Variants in HDAC9 observed in about 807,000 individuals in gnomAD.
HDAC9 encodes MEF-2 interacting transcription repressor (MITR) protein.
HDAC9 carries 41 observed loss-of-function variants against 139.4 expected under a neutral mutation model. The observed-to-expected ratio is 0.29, with a 90% CI of 0.23 to 0.38. The LOEUF (loss-of-function observed/expected upper bound fraction) is 0.38. HDAC9 is among the 10% of genes least tolerant of loss of function. The pLI, the probability that HDAC9 is intolerant of heterozygous loss-of-function variation, is 1.00. For synonymous variants in HDAC9, 517 were observed against 476.2 expected, an observed-to-expected ratio of 1.09 and a Z score of -1.12; for missense variants, 1,147 against 1,297.0, an observed-to-expected ratio of 0.88 and a Z score of 1.78.
At chr7:18,626,245 G>T (rs576969204) in intron 6 of HDAC9, among the ~76,000 whole-genome samples, 1 of 152,208 alleles carries the variant, frequency 6.6e-6, no homozygotes, top group African/African-American at 2.4e-5. Flanking sequence ...ACATAGCCAT[G>T]GCCAGTTATG....
At chr7:18,937,487 C>G (rs1319795207) in intron 23 of HDAC9, among the ~76,000 whole-genome samples, 1 of 152,024 alleles carries the variant, frequency 6.6e-6, no homozygotes, top group Non-Finnish European at 1.5e-5. Context: ...CCCTGTACAC[C>G]AATAATGTCA....
chr7:18,574,486 T>C (rs1014492974), intron 2 of HDAC9, among the ~76,000 whole-genome samples: 2 of 152,228 alleles, frequency 1.3e-5, no homozygotes, highest in African/African-American at 4.8e-5. Flanking sequence ...TCCACGGAAC[T>C]GACAGCCTGG....
At chr7:18,333,428 A>G (rs1781353272) in intron 1 of HDAC9, among the ~76,000 whole-genome samples, 1 of 151,592 alleles carries the variant, frequency 6.6e-6, no homozygotes, top group Non-Finnish European at 1.5e-5. Flanking sequence ...ACAAATAGTA[A>G]CTATGTGAGA....
chr7:18,873,333 G>A (rs1799074710), intron 21 of HDAC9, among the ~76,000 whole-genome samples: 1 of 152,110 alleles, frequency 6.6e-6, no homozygotes, highest in African/African-American at 2.4e-5. Flanking sequence ...ACTTACATGT[G>A]TATTTATGAA....
intron 1 of HDAC9, among the ~76,000 whole-genome samples, chr7:18,395,824 C>A (rs137861440): frequency 1.3e-5 from 2 of 152,150 alleles, no homozygotes; most frequent in East Asian, 3.9e-4. Flanking sequence ...AAGTTTTGAT[C>A]TGTAGAATTT....
At chr7:18,799,163 TTGAC>T (rs1165608542) in intron 17 of HDAC9, among the ~76,000 whole-genome samples, 1 of 151,866 alleles carries the variant, frequency 6.6e-6, no homozygotes, top group Non-Finnish European at 1.5e-5. Flanking sequence ...TATCCAATCA[TTGAC>T]TGACCACTAA....
chr7:18,513,308 A>G (rs1228259552), intron 2 of HDAC9, among the ~76,000 whole-genome samples: 2 of 152,214 alleles, frequency 1.3e-5, no homozygotes, highest in Admixed American at 1.3e-4. Context: ...ATCTAGCTCA[A>G]TTCTCAAAAA....
chr7:18,927,494 C>T (rs940348971), intron 22 of HDAC9, among the ~76,000 whole-genome samples: 2 of 152,122 alleles, frequency 1.3e-5, no homozygotes, highest in African/African-American at 4.8e-5. Context: ...AAAATGGCTA[C>T]AGTTTTTATA....
At position 18,767,163 on chromosome 7, in the gene HDAC9, C is replaced by G. The variant is rs1468068760; in HGVS notation, c.2214+8C>G. 1.9e-6 allele frequency: 3 copies of G among 1,551,362 alleles called. No individual in the cohort carries two copies. In the South Asian group the frequency reaches 3.6e-5, roughly 19 times the overall value. On this transcript the variant is annotated splice_region_variant and intron_variant, in intron 16 of 25. Transcript: ENST00000686413. ...CCTTGTGGTGGACTTGGGGTAAGTA[C>G]AAGTTGGTTTACTGCCTTTAAATAA... is the stretch of plus-strand genomic sequence containing the variant.
intron 1 of HDAC9, among the ~76,000 whole-genome samples, chr7:18,407,654 G>T (rs1352109368): frequency 6.6e-6 from 1 of 152,126 alleles, no homozygotes; most frequent in Non-Finnish European, 1.5e-5. Context: ...TTGAAACCCT[G>T]CAAAGCATTT....
At chr7:18,252,553 G>A (rs115987002) in intron 2 of HDAC9, among the ~76,000 whole-genome samples, 20 of 152,144 alleles carry the variant, frequency 1.3e-4, no homozygotes, top group African/African-American at 4.6e-4. Context: ...CTGTTGCCAT[G>A]TTTTGAAGGT....
chr7:18,719,364 G>A lies in HDAC9; in HGVS notation c.1732-8216G>A, dbSNP rs1300995218. Reference sequence around the variant, plus strand: ...TTTTTTTTTTTTTTTTTTTGAGATGGAGTTTTGTCTTGTCGCCCAGGCTGG... The same window carrying A: ...TTTTTTTTTTTTTTTTTTTGAGATGAAGTTTTGTCTTGTCGCCCAGGCTGG... On this transcript the variant is annotated intron_variant, in intron 12 of 25. Coordinates refer to ENST00000686413, the MANE Select transcript of HDAC9 (RefSeq NM_178425.4). 6.3e-4 allele frequency among the ~76,000 whole-genome samples: 36 copies of A among 56,866 alleles called. 1 individual carries two copies. Among genetic ancestry groups the A allele is most frequent in the Non-Finnish European group, 1.1e-3 (32 of 30,462 alleles). 37.3% of individuals were successfully genotyped at this position (56,866 alleles called of 152,430 possible).
chr7:18,563,210 G>T (rs569449161), intron 2 of HDAC9, among the ~76,000 whole-genome samples: 61 of 152,216 alleles, frequency 4.0e-4, no homozygotes, highest in Non-Finnish European at 7.2e-4. Flanking sequence ...CAATGTGGCC[G>T]TAATAGTGCT....
intron 2 of HDAC9, among the ~76,000 whole-genome samples, chr7:18,222,580 T>A (rs1191935612): frequency 6.6e-6 from 1 of 152,170 alleles, no homozygotes; most frequent in African/African-American, 2.4e-5. Context: ...CCCATAATCT[T>A]ACCCCCTACA....
chr7:18,728,029 T>C (rs982895727), intron 13 of HDAC9, among the ~76,000 whole-genome samples: 19 of 152,302 alleles, frequency 1.2e-4, no homozygotes, highest in African/African-American at 4.1e-4. Context: ...TGAAAATCCC[T>C]GCAACATTCT....
At chr7:18,372,205 C>T (rs73682166) in intron 1 of HDAC9, among the ~76,000 whole-genome samples, 2,723 of 152,272 alleles carry the variant, frequency 0.018, 78 homozygotes, top group African/African-American at 0.062. Flanking sequence ...AAGTTCAAAG[C>T]CACTGAGCTA....
At chr7:18,145,950 A>G (rs1334146314) in intron 1 of HDAC9, among the ~76,000 whole-genome samples, 2 of 152,198 alleles carry the variant, frequency 1.3e-5, no homozygotes, top group African/African-American at 4.8e-5. Context: ...AAAGAGGTCA[A>G]TGGAACAAGA....
chr7:18,377,376 G>A (rs1453387216), intron 1 of HDAC9, among the ~76,000 whole-genome samples: 1 of 152,062 alleles, frequency 6.6e-6, no homozygotes, highest in Admixed American at 6.6e-5. Context: ...TTTTCTAGAG[G>A]TTTCCTTTAA....
upstream of HDAC9, among the ~76,000 whole-genome samples, chr7:18,490,788 A>G (rs1746569875): frequency 6.6e-6 from 1 of 152,016 alleles, no homozygotes; most frequent in African/African-American, 2.4e-5. Context: ...TTATTGCTTT[A>G]ACAATAGTTT....
Sources: gnomAD v4.1 joint callset for allele counts (sites outside exome capture counted in the v4.1 genomes callset) on GRCh38, gnomAD v4.1.1 for gene constraint, MANE v1.5 for transcripts, NCBI Gene and HGNC (gene_info 2026-07-23, HGNC 2026-07-21) for gene names.